Variants in DMD observed in about 807,000 individuals in gnomAD.
DMD encodes the protein dystrophin, also known as mutant dystrophin.
DMD carries 63 observed loss-of-function variants against 330.1 expected under a neutral mutation model. The observed-to-expected ratio is 0.19, with a 90% CI of 0.16 to 0.24. DMD has a LOEUF of 0.24. Among genes scored for constraint, DMD ranks in the 10% least tolerant of loss-of-function variants. The pLI, the probability that DMD is intolerant of heterozygous loss-of-function variation, is 1.00. For missense variants in DMD, 3,344 were observed against 2,684.1 expected, an observed-to-expected ratio of 1.25 and a Z score of -5.43; for synonymous variants, 1,223 against 959.8, an observed-to-expected ratio of 1.27 and a Z score of -5.07.
At chrX:32,099,554 A>T (rs971340856) in intron 44 of DMD, among the ~76,000 whole-genome samples, 3 of 109,132 alleles carry the variant, frequency 2.7e-5, no homozygotes, top group Non-Finnish European at 5.8e-5. Flanking sequence ...ATGGAATACT[A>T]TGCAGCCAGA....
At chrX:32,146,527 A>G (rs1569546873) in intron 44 of DMD, among the ~76,000 whole-genome samples, 1 of 111,961 alleles carries the variant, frequency 8.9e-6, no homozygotes, top group Non-Finnish European at 1.9e-5. Context: ...ATTTTAGAAG[A>G]TATAAAATAG....
chrX:33,036,940 G>T (rs1233759826), intron 1 of DMD, among the ~76,000 whole-genome samples: 1 of 110,656 alleles, frequency 9.0e-6, no homozygotes, highest in Middle Eastern at 4.3e-3. Flanking sequence ...GGGAATGTTG[G>T]CAATCATGGT....
Position 31,121,617 on chromosome X carries a change from A to AGTT in DMD, c.*299_*301dup, listed in dbSNP as rs1406102178. ...ATTTAGCTATCAAGATTTTACATGT[A>AGTT]GTTTTCTTATAACTTTTTTGTACAA... On this transcript the variant is annotated 3_prime_UTR_variant, in exon 79 of 79. Transcript: ENST00000357033. The AGTT allele has an allele frequency of 5.8e-6, 2 of 343,431 alleles. No homozygotes were observed. The highest frequency in any genetic ancestry group is 4.6e-5 in the East Asian group (1 of 21,781). The allele number at this position is 343,431 out of a possible 1,213,427, so 28.3% of individuals were successfully genotyped here. A position where few individuals can be genotyped will look rare whatever the true frequency, so the allele number is the denominator to read the frequency against.
intron 60 of DMD, among the ~76,000 whole-genome samples, chrX:31,422,028 C>CACATATAT (rs1556630664): frequency 1.7e-4 from 1 of 5,860 alleles, no homozygotes; most frequent in African/African-American, 3.0e-4. Context: ...AACACACACA[C>CACATATAT]ATATATATAT....
chrX:32,407,889 C>T (rs1423643479), intron 30 of DMD, among the ~76,000 whole-genome samples: 55 of 101,177 alleles, frequency 5.4e-4, no homozygotes, highest in Non-Finnish European at 7.9e-4. Context: ...AACCAAACAC[C>T]GCATGTTCTC....
chrX:32,586,672 T>A (rs1342617511), intron 13 of DMD, among the ~76,000 whole-genome samples: 1 of 110,472 alleles, frequency 9.1e-6, no homozygotes, highest in South Asian at 3.8e-4. Context: ...ATCACATAAT[T>A]TTCACAAGGC....
chrX:32,539,504 A>C (rs1235347064), intron 17 of DMD, among the ~76,000 whole-genome samples: 1 of 91,437 alleles, frequency 1.1e-5, no homozygotes, highest in East Asian at 3.8e-4. Context: ...GGATCAATTT[A>C]TCATATAGAA....
intron 44 of DMD, among the ~76,000 whole-genome samples, chrX:32,109,425 A>G (rs1457146837): frequency 9.0e-6 from 1 of 111,597 alleles, no homozygotes; most frequent in Non-Finnish European, 1.9e-5. Context: ...TATCAATAAC[A>G]TAAGAAAATG....
intron 30 of DMD, among the ~76,000 whole-genome samples, chrX:32,390,504 C>T (rs2097994108): frequency 9.0e-6 from 1 of 111,411 alleles, no homozygotes; most frequent in Non-Finnish European, 1.9e-5. Flanking sequence ...TTTCAGATAT[C>T]ATTTTCAATA....
At chrX:32,687,906 T>A (rs2062996466) in intron 9 of DMD, among the ~76,000 whole-genome samples, 1 of 111,098 alleles carries the variant, frequency 9.0e-6, no homozygotes, top group South Asian at 3.8e-4. Flanking sequence ...ACAACTAAGG[T>A]CAATCAGTTG....
At position 33,148,855 on chromosome X, in the gene DMD, C is replaced by T. The variant is rs1029854534; in HGVS notation, c.31+62427G>A. Among the ~76,000 whole-genome samples, 3 of 111,167 alleles carry T rather than the reference C, an allele frequency of 2.7e-5. No homozygotes were observed. In the East Asian group the frequency reaches 8.5e-4, roughly 32 times the overall value. Reference sequence around the variant, plus strand: ...ATGAGAGATAAATCGTATGCTTTGGCGGATTAAAGATAGCTGCGAATTTTT... The same window carrying T: ...ATGAGAGATAAATCGTATGCTTTGGTGGATTAAAGATAGCTGCGAATTTTT... On this transcript the variant is annotated intron_variant, in intron 1 of 78. Transcript: ENST00000357033.
At chrX:31,500,314 T>C (rs2070311878) in intron 56 of DMD, among the ~76,000 whole-genome samples, 1 of 112,410 alleles carries the variant, frequency 8.9e-6, no homozygotes, top group Admixed American at 9.4e-5. Context: ...CAACAATCTC[T>C]GCTTTCAACA....
chrX:32,517,611 G>C (rs893545557), intron 18 of DMD: 8 of 167,677 alleles, frequency 4.8e-5, no homozygotes, highest in South Asian at 1.9e-4. Context: ...ATAGTCCTAA[G>C]TATGGTATCT....
At chrX:31,710,706 C>T (rs1185025779) in intron 52 of DMD, among the ~76,000 whole-genome samples, 2 of 111,188 alleles carry the variant, frequency 1.8e-5, no homozygotes, top group Non-Finnish European at 3.8e-5. Context: ...TAAACCAGTG[C>T]CTTGTGAGTT....
At chrX:32,483,916 T>G (rs770549090) in intron 21 of DMD, among the ~76,000 whole-genome samples, 51 of 108,518 alleles carry the variant, frequency 4.7e-4, no homozygotes, top group African/African-American at 1.6e-3. Flanking sequence ...GAGAAAAGCG[T>G]TGTGTATCAC....
chrX:32,518,987 A>G (rs868107253), intron 17 of DMD, among the ~76,000 whole-genome samples: 1 of 42,746 alleles, frequency 2.3e-5, no homozygotes, highest in African/African-American at 7.8e-5. Context: ...CTATCCTGTT[A>G]TTTTCAAACC....
chrX:32,196,888 A>T (rs1041981501), intron 44 of DMD, among the ~76,000 whole-genome samples: 1 of 103,182 alleles, frequency 9.7e-6, no homozygotes, highest in Admixed American at 1.1e-4. Context: ...CGGGAGGCTG[A>T]GGCAGGAGAA....
intron 61 of DMD, among the ~76,000 whole-genome samples, chrX:31,330,851 T>C (rs749267385): frequency 1.8e-5 from 2 of 112,100 alleles, no homozygotes; most frequent in South Asian, 7.4e-4. Flanking sequence ...ATAGTTCCTG[T>C]AGCAAGAGTA....
chrX:31,264,680 T>C (rs1164352694), intron 62 of DMD, among the ~76,000 whole-genome samples: 2 of 111,611 alleles, frequency 1.8e-5, no homozygotes, highest in Non-Finnish European at 3.8e-5. Flanking sequence ...AGGACCCTGA[T>C]GCAAATTAAA....
Sources: gnomAD v4.1 joint callset for allele counts (sites outside exome capture counted in the v4.1 genomes callset) on GRCh38, gnomAD v4.1.1 for gene constraint, MANE v1.5 for transcripts, NCBI Gene and HGNC (gene_info 2026-07-23, HGNC 2026-07-21) for gene names.